AGXT2: variants seen among roughly 807,000 people sequenced by gnomAD.
The protein encoded by AGXT2 is alanine--glyoxylate aminotransferase 2, mitochondrial.
In AGXT2, 61 loss-of-function variants were observed where a neutral mutation model predicts 62.5. The ratio of observed to expected loss-of-function variants is 0.98; its 90% CI spans 0.79 to 1.21. The LOEUF is 1.21. AGXT2 is among the 50% of genes most tolerant of loss of function. AGXT2 has a pLI of 0.00. For synonymous variants in AGXT2, 243 were observed against 218.7 expected (o/e 1.11, Z -0.98); for missense variants, 666 against 641.5 (o/e 1.04, Z -0.41).
At chr5:34,999,381 C>T (rs990699211) in intron 13 of AGXT2, among the ~76,000 whole-genome samples, 5 of 152,174 alleles carry the variant, frequency 3.3e-5, no homozygotes, top group African/African-American at 1.2e-4. Flanking sequence ...TTCCTTTCTA[C>T]CCAGCTCAGA....
intron 7 of AGXT2, among the ~76,000 whole-genome samples, chr5:35,027,519 A>G (rs1013687082): frequency 1.3e-5 from 2 of 152,154 alleles, no homozygotes; most frequent in Non-Finnish European, 2.9e-5. Flanking sequence ...TCCCTTTCGC[A>G]TATTTTCAAG....
intron 7 of AGXT2, among the ~76,000 whole-genome samples, chr5:35,030,138 G>A (rs1411869782): frequency 6.6e-6 from 1 of 152,202 alleles, no homozygotes; most frequent in Non-Finnish European, 1.5e-5. Flanking sequence ...CAGTGAAGGA[G>A]ACTGGGGTCT....
At chr5:35,016,092 C>T (rs529259787) in intron 9 of AGXT2, among the ~76,000 whole-genome samples, 3 of 152,246 alleles carry the variant, frequency 2.0e-5, no homozygotes, top group African/African-American at 7.2e-5. Flanking sequence ...ATTGATTTTT[C>T]CAAATGGGAT....
intron 9 of AGXT2, among the ~76,000 whole-genome samples, chr5:35,020,935 A>T (rs1423485888): frequency 1.3e-5 from 2 of 152,202 alleles, no homozygotes; most frequent in African/African-American, 4.8e-5. Flanking sequence ...AATAACAGAC[A>T]AACAGAGAGC....
chr5:35,004,495 G>A (rs1766348864), intron 12 of AGXT2, among the ~76,000 whole-genome samples: 1 of 152,146 alleles, frequency 6.6e-6, no homozygotes, highest in Non-Finnish European at 1.5e-5. Flanking sequence ...CCCTCCCTGT[G>A]GGGTCAGACA....
intron 2 of AGXT2, among the ~76,000 whole-genome samples, chr5:35,040,115 G>A (rs59169837): frequency 7.6e-4 from 115 of 152,242 alleles, no homozygotes; most frequent in African/African-American, 2.7e-3. Context: ...GAAAGAAAGA[G>A]AGAGAAAGTA....
Position 34,998,574 on chromosome 5 carries a change from T to A in AGXT2, c.*145A>T, listed in dbSNP as rs1342882445. 13 of 681,416 alleles carry A rather than the reference T, an allele frequency of 1.9e-5. No individual in the cohort carries two copies. Among genetic ancestry groups the A allele is most frequent in the Admixed American group, 1.8e-4 (8 of 43,788 alleles). The allele number at this position is 681,416 out of a possible 1,614,324, so 42.2% of individuals were successfully genotyped here. The stretch of plus-strand genomic sequence containing the variant: ...GGGCTCTGCTAACAAATATGGTTGG[T>A]AGGCAGTCAACCATGACTTTTACAG... On this transcript the variant is annotated 3_prime_UTR_variant, in exon 14 of 14. Coordinates refer to ENST00000231420, the MANE Select transcript of AGXT2 (RefSeq NM_031900.4).
chr5:34,998,850 A>C (rs1766125315), intron 13 of AGXT2, 24 bp from the exon 14 acceptor site: 1 of 1,495,148 alleles, frequency 6.7e-7, no homozygotes, highest in Non-Finnish European at 9.3e-7. Context: ...AAAAAATAAG[A>C]AAACAAATCA....
intron 1 of AGXT2, among the ~76,000 whole-genome samples, chr5:35,042,736 CTGTGTGTGTGTGTGTGTG>C (rs66463119): frequency 1.4e-5 from 2 of 142,390 alleles, no homozygotes; most frequent in Admixed American, 7.1e-5. Context: ...ATATGCATAC[CTGTGTGTGTGTGTGTGTG>C]TGTGTGTGTG....
intron 1 of AGXT2, among the ~76,000 whole-genome samples, chr5:35,044,559 T>C (rs1253529848): frequency 6.6e-6 from 1 of 152,226 alleles, no homozygotes. Context: ...CAGAAGTTAC[T>C]CTACTCCTGC....
rs139487983 is a variant in AGXT2 at position 35,009,661 on chromosome 5, T to C, written c.1338+339A>G. Among the ~76,000 whole-genome samples, 92 of 152,310 alleles carry C rather than the reference T, an allele frequency of 6.0e-4. 1 individual carries two copies. In the East Asian group the frequency reaches 0.017, roughly 27 times the overall value. On this transcript the variant is annotated intron_variant, in intron 12 of 13. Coordinates refer to ENST00000231420, the MANE Select transcript of AGXT2 (RefSeq NM_031900.4). ...CCAAACCTTCACCATAACATTTTCC[T>C]GGCCCTTCTTTCTTATTCCTTCTGT...
intron 10 of AGXT2, among the ~76,000 whole-genome samples, 156 bp from the exon 11 acceptor site, chr5:35,013,201 T>C (rs1364917780): frequency 6.6e-6 from 1 of 152,230 alleles, no homozygotes; most frequent in African/African-American, 2.4e-5. Flanking sequence ...GACTGAATTG[T>C]ATCGCCTCAA....
chr5:35,038,562 C>T (rs553309720), intron 3 of AGXT2, among the ~76,000 whole-genome samples: 1 of 152,162 alleles, frequency 6.6e-6, no homozygotes, highest in Admixed American at 6.5e-5. Flanking sequence ...GAGGCACACT[C>T]ACTCCTTACC....
At chr5:35,022,119 G>A (rs1445886931) in intron 9 of AGXT2, among the ~76,000 whole-genome samples, 1 of 152,152 alleles carries the variant, frequency 6.6e-6, no homozygotes, top group Non-Finnish European at 1.5e-5. Flanking sequence ...CTTTTACACT[G>A]TTGGTGGGAC....
intron 9 of AGXT2, among the ~76,000 whole-genome samples, chr5:35,020,268 C>A (rs1488105614): frequency 6.6e-5 from 10 of 151,892 alleles, no homozygotes; most frequent in African/African-American, 2.2e-4. Context: ...GAGACACAAC[C>A]AAAAAAGAGA....
chr5:35,041,223 CAAAA>C (rs3034208), intron 1 of AGXT2, among the ~76,000 whole-genome samples: 3 of 51,402 alleles, frequency 5.8e-5, no homozygotes, highest in African/African-American at 9.0e-5. Flanking sequence ...CTCCCCCCGC[CAAAA>C]AAAAAAAAAA....
chr5:35,008,906 A>T (rs929777005), intron 12 of AGXT2, among the ~76,000 whole-genome samples: 3 of 152,092 alleles, frequency 2.0e-5, no homozygotes, highest in Non-Finnish European at 4.4e-5. Context: ...TCAGGCTTTG[A>T]TTTTATGGAG....
Position 34,998,735 on chromosome 5 carries a change from T to C in AGXT2, c.1529A>G (p.Glu510Gly), listed in dbSNP as rs1766118801. Residue 510 changes from glutamate to glycine, a missense_variant, in exon 14 of 14, where the codon GAA (glutamate) becomes GGA (glycine). Transcript: ENST00000231420. The part of the protein sequence containing the change: ...VFRSALTQHM[E>G]RRAK ...CTGACAATGTTACTTAGCTCTTCTT[T>C]CCATGTGTTGGGTTAAGGCAGAACG... The C allele has an allele frequency of 1.9e-6, 3 of 1,612,780 alleles. No homozygotes were observed. Among genetic ancestry groups the C allele is most frequent in the Non-Finnish European group, 2.5e-6 (3 of 1,178,988 alleles).
chr5:35,006,178 G>A (rs1334417427), intron 12 of AGXT2, among the ~76,000 whole-genome samples: 2 of 152,098 alleles, frequency 1.3e-5, no homozygotes, highest in Non-Finnish European at 2.9e-5. Flanking sequence ...CTAATGTTGA[G>A]CATTTAGGTT....
Sources: gnomAD v4.1 joint callset for allele counts (sites outside exome capture counted in the v4.1 genomes callset) on GRCh38, gnomAD v4.1.1 for gene constraint, MANE v1.5 for transcripts, NCBI Gene and HGNC (gene_info 2026-07-23, HGNC 2026-07-21) for gene names.